TNRC6C: variants seen among roughly 807,000 people sequenced by gnomAD.
The protein encoded by TNRC6C is trinucleotide repeat containing adaptor 6C.
A neutral mutation model predicts 153.7 loss-of-function variants in TNRC6C; 20 were observed. The ratio of observed to expected loss-of-function variants is 0.13; its 90% CI spans 0.09 to 0.19. The LOEUF is 0.19. Ranked by LOEUF, TNRC6C falls within the 10% of genes least tolerant of loss-of-function variation. TNRC6C has a pLI of 1.00. For synonymous variants in TNRC6C, 811 were observed against 841.4 expected, an observed-to-expected ratio of 0.96 and a Z score of 0.63; for missense variants, 1,987 against 2,172.0, an observed-to-expected ratio of 0.91 and a Z score of 1.69.
intron 1 of TNRC6C, among the ~76,000 whole-genome samples, chr17:78,023,161 C>T (rs949195972): frequency 6.6e-6 from 1 of 152,052 alleles, no homozygotes; most frequent in Non-Finnish European, 1.5e-5. Context: ...ATAACGTATG[C>T]GGGAGGATAT....
At chr17:77,965,614 C>T (rs1216683641) in intron 1 of TNRC6C, among the ~76,000 whole-genome samples, 1 of 152,306 alleles carries the variant, frequency 6.6e-6, no homozygotes. Context: ...AGGGGAAGGA[C>T]ATCAACTTCT....
At chr17:78,059,470 C>T (rs1381886819) in intron 3 of TNRC6C, among the ~76,000 whole-genome samples, 1 of 152,092 alleles carries the variant, frequency 6.6e-6, no homozygotes, top group African/African-American at 2.4e-5. Context: ...AAGTCCGTGG[C>T]GTGAGACGTG....
At chr17:78,051,286 G>A in exon 3 of TNRC6C, 1 of 1,552,176 alleles carries the variant, frequency 6.4e-7, no homozygotes, top group Non-Finnish European at 8.7e-7. Flanking sequence ...CAATAAAACT[G>A]TAAACATGTG....
chr17:78,093,804 T>G lies in TNRC6C; in HGVS notation c.4306+41T>G, dbSNP rs757388769. ...TTCCTGCCTCTGCATGGACGGTCTCTCTAGACCCATTTGGAGATGTCAGGG... is the reference window on the plus strand; with the variant it reads ...TTCCTGCCTCTGCATGGACGGTCTCGCTAGACCCATTTGGAGATGTCAGGG... On this transcript the variant is annotated intron_variant, in intron 16 of 19. Coordinates refer to ENST00000301624, the Ensembl canonical transcript of TNRC6C. The G allele has an allele frequency of 4.3e-6, 7 of 1,609,702 alleles. No homozygotes were observed. The South Asian group carries it at 4.4e-5, about 10-fold the overall frequency.
At chr17:77,959,559 C>T (rs1410481245) in intron 1 of TNRC6C, among the ~76,000 whole-genome samples, 4 of 152,158 alleles carry the variant, frequency 2.6e-5, no homozygotes, top group Admixed American at 2.6e-4. Flanking sequence ...TTTTAAAACT[C>T]ATGCAGCGGT....
At chr17:77,962,451 T>C (rs1040503159) in intron 1 of TNRC6C, among the ~76,000 whole-genome samples, 4 of 152,118 alleles carry the variant, frequency 2.6e-5, no homozygotes, top group African/African-American at 9.7e-5. Flanking sequence ...GTAAAACACA[T>C]GGGACAATTA....
At chr17:78,100,324 C>T (rs1386797777) in intron 17 of TNRC6C, among the ~76,000 whole-genome samples, 1 of 152,228 alleles carries the variant, frequency 6.6e-6, no homozygotes, top group Non-Finnish European at 1.5e-5. Context: ...GAGCCCTGCC[C>T]CACAGCAAAG....
chr17:77,985,231 G>C (rs1240665041), intron 1 of TNRC6C, among the ~76,000 whole-genome samples: 1 of 152,082 alleles, frequency 6.6e-6, no homozygotes, highest in Non-Finnish European at 1.5e-5. Context: ...TTCCTTGCTA[G>C]CTGTCAGAGG....
At chr17:78,086,829 C>T (rs374066018) in intron 12 of TNRC6C, 24 bp from the exon 15 acceptor site, 319 of 1,607,590 alleles carry the variant, frequency 2.0e-4, no homozygotes, top group Non-Finnish European at 2.4e-4. Flanking sequence ...ACCTAGTTAA[C>T]GCACCTATGT....
At chr17:78,102,252 A>G (rs941060638) in intron 17 of TNRC6C, among the ~76,000 whole-genome samples, 10 of 152,130 alleles carry the variant, frequency 6.6e-5, no homozygotes, top group Non-Finnish European at 1.3e-4. Flanking sequence ...GGAAGATCCA[A>G]AAAGTCAGAG....
intron 1 of TNRC6C, among the ~76,000 whole-genome samples, chr17:77,960,631 T>G (rs1446377316): frequency 2.0e-5 from 3 of 152,164 alleles, no homozygotes; most frequent in Admixed American, 6.5e-5. Context: ...CAGTACTGTA[T>G]GAAAGAATAA....
At chr17:77,993,384 T>G (rs1221381272) in intron 1 of TNRC6C, among the ~76,000 whole-genome samples, 1 of 152,212 alleles carries the variant, frequency 6.6e-6, no homozygotes, top group Non-Finnish European at 1.5e-5. Flanking sequence ...AACATAGTAT[T>G]AGATTTACAG....
chr17:78,103,620 G>A (rs2073636088), intron 19 of TNRC6C, 67 bp downstream of exon 22: 1 of 1,595,778 alleles, frequency 6.3e-7, no homozygotes. Context: ...TTAGGTTAGG[G>A]GTGTTGCAGG....
intron 11 of TNRC6C, 120 bp from the exon 14 acceptor site, chr17:78,086,383 G>T: frequency 1.5e-6 from 1 of 670,346 alleles, no homozygotes; most frequent in Non-Finnish European, 2.5e-6. Flanking sequence ...GCCACAGTAT[G>T]GGCCAAGAAG....
At chr17:78,069,766 T>G (rs56330517) in intron 5 of TNRC6C, among the ~76,000 whole-genome samples, 15,462 of 152,212 alleles carry the variant, frequency 0.1, 866 homozygotes, top group East Asian at 0.18. Context: ...ATTGTTAAAT[T>G]AAAAGCAAGG....
chr17:78,051,438 G>T, exon 3 of TNRC6C: 1 of 1,485,030 alleles, frequency 6.7e-7, no homozygotes, highest in Non-Finnish European at 9.0e-7. Flanking sequence ...GATCACCGTT[G>T]CTTGGTCCAG....
At chr17:78,032,150 G>A (rs2072088477) in intron 2 of TNRC6C, among the ~76,000 whole-genome samples, 1 of 152,192 alleles carries the variant, frequency 6.6e-6, no homozygotes, top group African/African-American at 2.4e-5. Context: ...GAACCCAGAA[G>A]TGAAAACTTT....
intron 1 of TNRC6C, among the ~76,000 whole-genome samples, chr17:78,028,885 T>G (rs2072000390): frequency 6.6e-6 from 1 of 152,172 alleles, no homozygotes; most frequent in South Asian, 2.1e-4. Context: ...AATGATGTTT[T>G]GTGTACAAGA....
chr17:78,090,922 G>A (rs2073382451), intron 13 of TNRC6C, among the ~76,000 whole-genome samples: 1 of 152,190 alleles, frequency 6.6e-6, no homozygotes, highest in Admixed American at 6.5e-5. Flanking sequence ...CTGGAAAAGT[G>A]TTTTTGACCT....
Sources: allele counts gnomAD v4.1 joint callset (sites outside exome capture counted in the v4.1 genomes callset), GRCh38; gene constraint gnomAD v4.1.1; transcripts MANE v1.5; gene names NCBI Gene and HGNC (gene_info 2026-07-23, HGNC 2026-07-21).